FAM168A: variants seen among roughly 807,000 people sequenced by gnomAD.
FAM168A encodes protein FAM168A.
FAM168A carries 3 observed loss-of-function variants against 28.5 expected under a neutral mutation model. The ratio of observed to expected loss-of-function variants is 0.11; its 90% CI spans 0.05 to 0.27. The LOEUF is 0.27. FAM168A is among the 10% of genes least tolerant of loss of function. The pLI is 1.00. For synonymous variants in FAM168A, 122 were observed against 124.2 expected (o/e 0.98, Z 0.12); for missense variants, 222 against 311.5 (o/e 0.71, Z 2.16).
chr11:73,401,319 T>C lies in FAM168A; in HGVS notation c.*5444A>G, dbSNP rs1225209823. ...TTAAGTCAGGATGGGGACAGGCCCT[T>C]GGGCCTTTCAAGATTATTACAGACA... On this transcript the variant is annotated 3_prime_UTR_variant, in exon 8 of 8. Coordinates refer to ENST00000356467, the MANE Select transcript of FAM168A (RefSeq NM_015159.3). The C allele has an allele frequency of 6.6e-6, 1 of 152,102 alleles. No individual in the cohort carries two copies. Among genetic ancestry groups the C allele is most frequent in the East Asian group, 1.9e-4 (1 of 5,198 alleles). The allele number at this position is 152,102 out of a possible 1,614,324, so 9.4% of individuals were successfully genotyped here.
chr11:73,536,640 T>A (rs996586551), intron 1 of FAM168A, among the ~76,000 whole-genome samples: 1 of 152,046 alleles, frequency 6.6e-6, no homozygotes, highest in African/African-American at 2.4e-5. Context: ...TGAGCCAAGA[T>A]CATGCCATTG....
At chr11:73,480,881 G>A (rs138396179) in intron 1 of FAM168A, among the ~76,000 whole-genome samples, 1 of 152,296 alleles carries the variant, frequency 6.6e-6, no homozygotes, top group African/African-American at 2.4e-5. Context: ...TAAAACGGAT[G>A]TAATTTTGAA....
At chr11:73,454,782 GGCTGGAGACA>G (rs1362044008) in intron 2 of FAM168A, among the ~76,000 whole-genome samples, 15 of 152,146 alleles carry the variant, frequency 9.9e-5, no homozygotes, top group Non-Finnish European at 1.8e-4. Context: ...CGAAGAATCT[GGCTGGAGACA>G]GCTGGACTTC....
rs1866494434 is a variant in FAM168A, at chr11:73,405,781, A to C, written c.*982T>G. ...GAGTCCTGGCACTGGGAAGGGCAAA[A>C]GAAAAGGGAGAGAAATGCCCTAGGT... On this transcript the variant is annotated 3_prime_UTR_variant, in exon 8 of 8. Transcript: ENST00000356467. 6.6e-6 allele frequency: 1 copy of C among 152,190 alleles called. No individual in the cohort carries two copies. The highest frequency in any genetic ancestry group is 6.5e-5 in the Admixed American group (1 of 15,274). 9.4% of individuals were successfully genotyped at this position (152,190 alleles called of 1,614,324 possible).
chr11:73,567,423 T>C (rs555158536), intron 1 of FAM168A, among the ~76,000 whole-genome samples: 6 of 152,104 alleles, frequency 3.9e-5, no homozygotes, highest in Non-Finnish European at 7.4e-5. Flanking sequence ...GTTAGCAAAA[T>C]GGTTATACCA....
At chr11:73,482,922 TAG>T (rs1483462023) in intron 1 of FAM168A, among the ~76,000 whole-genome samples, 1 of 152,100 alleles carries the variant, frequency 6.6e-6, no homozygotes, top group African/African-American at 2.4e-5. Flanking sequence ...GTATTTTTAG[TAG>T]AGACGAGGTT....
chr11:73,506,482 G>A (rs1855120136), intron 1 of FAM168A, among the ~76,000 whole-genome samples: 1 of 151,946 alleles, frequency 6.6e-6, no homozygotes, highest in South Asian at 2.1e-4. Flanking sequence ...TGTATGTTTT[G>A]CCTGTGCTCA....
intron 1 of FAM168A, among the ~76,000 whole-genome samples, chr11:73,590,119 C>T (rs1214767831): frequency 3.9e-5 from 6 of 151,962 alleles, no homozygotes; most frequent in Non-Finnish European, 8.8e-5. Flanking sequence ...TATGCTAACA[C>T]AGCTGAAGGC....
At chr11:73,573,660 G>A (rs889172909) in intron 1 of FAM168A, among the ~76,000 whole-genome samples, 3 of 152,210 alleles carry the variant, frequency 2.0e-5, no homozygotes, top group South Asian at 2.1e-4. Flanking sequence ...GAATTCCGAC[G>A]GGGCACAGTG....
intron 1 of FAM168A, among the ~76,000 whole-genome samples, chr11:73,487,208 G>A (rs1407278465): frequency 6.6e-6 from 1 of 151,864 alleles, no homozygotes; most frequent in Admixed American, 6.6e-5. Flanking sequence ...TTCATCTCCT[G>A]ATCTTTTTCC....
chr11:73,430,263 TGTGTGTGTCCCAAG>T (rs1692180189), intron 3 of FAM168A: 1 of 173,478 alleles, frequency 5.8e-6, no homozygotes, highest in East Asian at 1.8e-4. Context: ...TGTGTGTGTG[TGTGTGTGTCCCAAG>T]GTGTGTGTGT....
intron 1 of FAM168A, among the ~76,000 whole-genome samples, chr11:73,584,261 C>T (rs1460608193): frequency 2.0e-5 from 3 of 152,014 alleles, no homozygotes; most frequent in African/African-American, 7.2e-5. Flanking sequence ...CAGCCTCGAC[C>T]TCCTGGGCCC....
At chr11:73,555,635 G>A (rs966599646) in intron 1 of FAM168A, among the ~76,000 whole-genome samples, 2 of 151,678 alleles carry the variant, frequency 1.3e-5, no homozygotes, top group African/African-American at 4.8e-5. Flanking sequence ...TTGAACCCGG[G>A]AGGCAGCGGT....
intron 4 of FAM168A, among the ~76,000 whole-genome samples, chr11:73,414,701 A>C (rs1866669727): frequency 6.6e-6 from 1 of 152,238 alleles, no homozygotes. Context: ...CACTTTATAA[A>C]GATCAGCTAT....
chr11:73,473,490 G>A (rs954547973), intron 1 of FAM168A, among the ~76,000 whole-genome samples: 7 of 152,124 alleles, frequency 4.6e-5, no homozygotes, highest in Non-Finnish European at 8.8e-5. Flanking sequence ...TGGGCACCAT[G>A]GGCAGTTATA....
rs542397325 is a variant in FAM168A, at chr11:73,434,094, T to G, written c.71-3324A>C. Among the ~76,000 whole-genome samples, 177 of 152,284 alleles carry G rather than the reference T, an allele frequency of 1.2e-3. 1 individual carries two copies. The highest frequency in any genetic ancestry group is 4.1e-3 in the African/African-American group (169 of 41,562). ...CTCTTTATCTCGTGATCCACCTGCC[T>G]TGGCCTCCCAAAGTGCTGGGATTAC... On this transcript the variant is annotated intron_variant, in intron 2 of 7. Transcript: ENST00000356467.
At chr11:73,526,868 CAAAAA>C (rs61073226) in intron 1 of FAM168A, among the ~76,000 whole-genome samples, 1 of 51,902 alleles carries the variant, frequency 1.9e-5, no homozygotes, top group African/African-American at 6.4e-5. Flanking sequence ...GACTCCATCT[CAAAAA>C]AAAAAAAAAA....
Position 73,403,439 on chromosome 11 carries a change from G to C in FAM168A, c.*3324C>G, listed in dbSNP as rs895515831. The C allele has an allele frequency of 6.6e-6, 1 of 152,264 alleles. No homozygotes were observed. Among genetic ancestry groups the C allele is most frequent in the Non-Finnish European group, 1.5e-5 (1 of 68,102 alleles). The allele number at this position is 152,264 out of a possible 1,614,324, so 9.4% of individuals were successfully genotyped here. ...TGGCCATAGGTGTTGCACTTGGGGA[G>C]AGGCAGTGGCATGAGGAGGAGAGAG... is the stretch of plus-strand genomic sequence containing the variant. On this transcript the variant is annotated 3_prime_UTR_variant, in exon 8 of 8. Coordinates refer to ENST00000356467, the MANE Select transcript of FAM168A (RefSeq NM_015159.3).
chr11:73,537,576 C>T (rs561708253), intron 1 of FAM168A, among the ~76,000 whole-genome samples: 1 of 152,216 alleles, frequency 6.6e-6, no homozygotes, highest in South Asian at 2.1e-4. Context: ...CTTACAAACT[C>T]CAGGTTCCGT....
Sources: allele counts gnomAD v4.1 joint callset (sites outside exome capture counted in the v4.1 genomes callset), GRCh38; gene constraint gnomAD v4.1.1; transcripts MANE v1.5; gene names NCBI Gene and HGNC (gene_info 2026-07-23, HGNC 2026-07-21).